ZPBP: variants seen among roughly 807,000 people sequenced by gnomAD.
ZPBP encodes the protein zona pellucida binding protein.
In ZPBP, 26 loss-of-function variants were observed where a neutral mutation model predicts 44.8. That is an observed-to-expected ratio of 0.58 (90% confidence interval 0.43 to 0.81). ZPBP has a LOEUF of 0.81. Among genes scored for constraint, ZPBP ranks in the 30% least tolerant of loss-of-function variants. ZPBP has a pLI of 0.00. For synonymous variants in ZPBP, 174 were observed against 153.2 expected, an observed-to-expected ratio of 1.14 and a Z score of -1.00; for missense variants, 409 against 434.0, an observed-to-expected ratio of 0.94 and a Z score of 0.51.
downstream of ZPBP, among the ~76,000 whole-genome samples, chr7:49,934,866 A>G (rs954607728): frequency 5.2e-4 from 79 of 152,278 alleles, no homozygotes; most frequent in African/African-American, 1.8e-3. Context: ...TGAAATAAAA[A>G]CTGGGAATTA....
In ZPBP at chr7:49,937,471, A is replaced by C. The variant is rs1045778400; in HGVS notation, c.*57T>G. 7.9e-7 allele frequency: 1 copy of C among 1,260,108 alleles called. No homozygotes were observed. The highest frequency in any genetic ancestry group is 1.2e-6 in the Non-Finnish European group (1 of 862,774). The allele number at this position is 1,260,108 out of a possible 1,614,324, so 78.1% of individuals were successfully genotyped here. On this transcript the variant is annotated 3_prime_UTR_variant, in exon 8 of 8. Transcript: ENST00000046087. The stretch of plus-strand genomic sequence containing the variant: ...TTTGGCATAATAATTTATTATGTTA[A>C]TATTTCAAATATATACTTTGCATTT...
chr7:50,090,050 T>G (rs1802872260), intron 1 of ZPBP, among the ~76,000 whole-genome samples: 1 of 152,198 alleles, frequency 6.6e-6, no homozygotes, highest in African/African-American at 2.4e-5. Flanking sequence ...TCTGCCACAG[T>G]ACATCACCAG....
chr7:49,943,558 C>A, intron 7 of ZPBP: 1 of 386,618 alleles, frequency 2.6e-6, no homozygotes, highest in South Asian at 2.3e-5. Context: ...AATAAATGCT[C>A]CTTTGCGAAA....
intron 5 of ZPBP, among the ~76,000 whole-genome samples, chr7:50,018,925 C>T (rs571385263): frequency 1.4e-4 from 21 of 152,004 alleles, no homozygotes; most frequent in Non-Finnish European, 2.5e-4. Flanking sequence ...CAACAAAATC[C>T]CATTGAATTT....
At chr7:49,901,953 A>C (rs1792765847) in intron 1 of ZPBP, among the ~76,000 whole-genome samples, 1 of 146,526 alleles carries the variant, frequency 6.8e-6, no homozygotes, top group Non-Finnish European at 1.5e-5. Context: ...AGTTTTTTCA[A>C]CGAATGGTAC....
At chr7:49,905,663 G>C (rs1478188729) in intron 1 of ZPBP, among the ~76,000 whole-genome samples, 1 of 152,184 alleles carries the variant, frequency 6.6e-6, no homozygotes, top group African/African-American at 2.4e-5. Context: ...GTTTGAACCA[G>C]AGCCACTCCA....
rs372740460 is a variant in ZPBP, at chr7:50,089,593, A to G, written c.208+36T>C. On this transcript the variant is annotated intron_variant, in intron 2 of 7. Coordinates refer to ENST00000046087, the MANE Select transcript of ZPBP (RefSeq NM_007009.3). ...TGATAAATTTAAACAAATGCTAATA[A>G]CTTTTAAAAATTAGTGAAAATATAT... The G allele has an allele frequency of 4.8e-6, 7 of 1,462,402 alleles. No individual in the cohort carries two copies. The African/African-American group carries it at 9.9e-5, about 21-fold the overall frequency. The allele number at this position is 1,462,402 out of a possible 1,614,324, so 90.6% of individuals were successfully genotyped here.
At chr7:50,047,822 A>G (rs1800463015) in intron 4 of ZPBP, among the ~76,000 whole-genome samples, 1 of 152,174 alleles carries the variant, frequency 6.6e-6, no homozygotes, top group African/African-American at 2.4e-5. Context: ...CAATATCTCC[A>G]TATCACAATA....
intron 7 of ZPBP, among the ~76,000 whole-genome samples, chr7:49,973,004 T>G (rs1356059057): frequency 6.6e-6 from 1 of 152,018 alleles, no homozygotes; most frequent in East Asian, 1.9e-4. Flanking sequence ...CAAATGGTGC[T>G]GTCAAAACTG....
chr7:50,030,373 C>G (rs540796479), intron 5 of ZPBP, among the ~76,000 whole-genome samples: 35 of 151,680 alleles, frequency 2.3e-4, no homozygotes, highest in African/African-American at 8.2e-4. Context: ...GTTTTTTTCC[C>G]TTAAAGCTTC....
intron 7 of ZPBP, among the ~76,000 whole-genome samples, chr7:49,965,121 A>G (rs983196420): frequency 1.3e-5 from 2 of 152,116 alleles, no homozygotes; most frequent in Non-Finnish European, 2.9e-5. Flanking sequence ...AAATCTTAAG[A>G]GCAAGACCAG....
downstream of ZPBP, among the ~76,000 whole-genome samples, chr7:49,934,460 C>G (rs927322216): frequency 2.0e-5 from 3 of 146,420 alleles, no homozygotes; most frequent in Non-Finnish European, 4.5e-5. Context: ...AAAAAAAAAA[C>G]TCACACATGA....
chr7:50,027,684 A>C (rs942075552), intron 5 of ZPBP, among the ~76,000 whole-genome samples: 1 of 151,950 alleles, frequency 6.6e-6, no homozygotes, highest in Non-Finnish European at 1.5e-5. Flanking sequence ...TTTTTGGAAA[A>C]AATGCAATAA....
At chr7:50,023,017 A>G (rs1384430120) in intron 5 of ZPBP, among the ~76,000 whole-genome samples, 1 of 152,066 alleles carries the variant, frequency 6.6e-6, no homozygotes, top group Non-Finnish European at 1.5e-5. Context: ...GCTTCTAGCA[A>G]ATGGAAGGAG....
intron 4 of ZPBP, among the ~76,000 whole-genome samples, chr7:50,035,764 G>A (rs1163957134): frequency 6.9e-6 from 1 of 144,074 alleles, no homozygotes; most frequent in Non-Finnish European, 1.5e-5. Context: ...TGGTGGTAAG[G>A]ATACAAAGAA....
intron 7 of ZPBP, among the ~76,000 whole-genome samples, chr7:49,974,123 T>C (rs1200760942): frequency 6.6e-6 from 1 of 152,054 alleles, no homozygotes; most frequent in Non-Finnish European, 1.5e-5. Context: ...GAATGAAGAA[T>C]ACTGGGAGAT....
At chr7:49,897,250 A>G (rs142707342) in intron 2 of ZPBP, among the ~76,000 whole-genome samples, 66 of 152,348 alleles carry the variant, frequency 4.3e-4, no homozygotes, top group African/African-American at 1.4e-3. Context: ...CATTGAAAGA[A>G]GAATTAATTA....
intron 3 of ZPBP, among the ~76,000 whole-genome samples, chr7:50,063,184 A>G (rs1357032591): frequency 6.6e-6 from 1 of 152,134 alleles, no homozygotes; most frequent in Non-Finnish European, 1.5e-5. Flanking sequence ...AAGGGAGGAG[A>G]GATAAGGCTC....
intron 7 of ZPBP, among the ~76,000 whole-genome samples, chr7:49,972,221 A>T (rs1796327417): frequency 6.6e-6 from 1 of 151,498 alleles, no homozygotes; most frequent in African/African-American, 2.4e-5. Flanking sequence ...TATATTTAAC[A>T]TAATATTGAA....
Sources: gnomAD v4.1 joint callset for allele counts (sites outside exome capture counted in the v4.1 genomes callset) on GRCh38, gnomAD v4.1.1 for gene constraint, MANE v1.5 for transcripts, NCBI Gene and HGNC (gene_info 2026-07-23, HGNC 2026-07-21) for gene names.